Variants in FAM8A1 observed in about 807,000 individuals in gnomAD.
The protein encoded by FAM8A1 is family with sequence similarity 8 member A1.
A neutral mutation model predicts 38.3 loss-of-function variants in FAM8A1; 18 were observed. That is an observed-to-expected ratio of 0.47 (90% CI 0.33 to 0.70). FAM8A1 has a LOEUF of 0.70. Ranked by LOEUF, FAM8A1 falls within the 30% of genes least tolerant of loss-of-function variation. The probability of loss-of-function intolerance (pLI) is 0.03; values close to 1 mark genes in which losing one functional copy is unlikely to be tolerated. For synonymous variants in FAM8A1, 246 were observed against 234.4 expected, an observed-to-expected ratio of 1.05 and a Z score of -0.45; for missense variants, 559 against 559.6, an observed-to-expected ratio of 1.00 and a Z score of 0.01.
chr6:17,609,549 G>A lies in FAM8A1; in HGVS notation c.*1210G>A, dbSNP rs1382990624. On this transcript the variant is annotated 3_prime_UTR_variant, in exon 5 of 5. Coordinates refer to ENST00000259963, the MANE Select transcript of FAM8A1 (RefSeq NM_016255.3). ...GGGAAATGTTACGCAAAGTGATACT[G>A]TGTATGTTGCCATTTTGCTTTATTC... is the stretch of plus-strand genomic sequence containing the variant. The A allele has an allele frequency of 5.3e-5, 8 of 152,252 alleles. No individual in the cohort carries two copies. Among genetic ancestry groups the A allele is most frequent in the African/African-American group, 1.9e-4 (8 of 41,552 alleles). The allele number at this position is 152,252 out of a possible 1,614,324, so 9.4% of individuals were successfully genotyped here. A position where few individuals can be genotyped will look rare whatever the true frequency, so the allele number is the denominator to read the frequency against.
chr6:17,601,105 G>T lies in FAM8A1; in HGVS notation c.696G>T (p.Glu232Asp), dbSNP rs781129140. Residue 232 changes from glutamate (E) to aspartate (D), a missense_variant, in exon 1 of 5, where the codon GAG becomes GAT. By Grantham distance (45) the Glu-to-Asp change is conservative. Coordinates refer to ENST00000259963, the MANE Select transcript of FAM8A1 (RefSeq NM_016255.3). Reference sequence around the variant, plus strand: ...CAGCCCCTTCGCGAAGCCCGAGCGAGACCGGGCGACAGGCAGGTGAGAAGC... The same window carrying T: ...CAGCCCCTTCGCGAAGCCCGAGCGATACCGGGCGACAGGCAGGTGAGAAGC... ...GSAAPSRSPSETGRQAGREYV... is the reference protein window; with the variant it reads ...GSAAPSRSPSDTGRQAGREYV... 5.0e-6 allele frequency: 8 copies of T among 1,594,404 alleles called. No homozygotes were observed. Among genetic ancestry groups the T allele is most frequent in the Non-Finnish European group, 6.8e-6 (8 of 1,173,164 alleles).
At position 17,608,232 on chromosome 6, in the gene FAM8A1, GCTT is replaced by G. The variant is rs1764083917; in HGVS notation, c.1139_1141del (p.Ser380del). The G allele has an allele frequency of 3.1e-6, 5 of 1,613,470 alleles. No homozygotes were observed. Among genetic ancestry groups the G allele is most frequent in the East Asian group, 4.5e-5 (2 of 44,840 alleles). ...AGCTTTGATCAAGAATTTTTCAATT[GCTT>G]CTTTTTTCCCTGCTTTCATCACACT... On this transcript the variant is annotated inframe_deletion, in exon 5 of 5. Coordinates refer to ENST00000259963, the MANE Select transcript of FAM8A1 (RefSeq NM_016255.3).
rs1251015692 is a variant in FAM8A1 at position 17,609,016 on chromosome 6, A to G, written c.*677A>G. 1 of 152,194 alleles carries G rather than the reference A, an allele frequency of 6.6e-6. No individual in the cohort carries two copies. The highest frequency in any genetic ancestry group is 2.4e-5 in the African/African-American group (1 of 41,442). The allele number at this position is 152,194 out of a possible 1,614,324, so 9.4% of individuals were successfully genotyped here. A position where few individuals can be genotyped will look rare whatever the true frequency, so the allele number is the denominator to read the frequency against. Reference sequence around the variant, plus strand: ...AAGTTTCTCATGATGATGAAAAAGTATCAAGTCATATTGCTATGTTAATTG... The same window carrying G: ...AAGTTTCTCATGATGATGAAAAAGTGTCAAGTCATATTGCTATGTTAATTG... On this transcript the variant is annotated 3_prime_UTR_variant, in exon 5 of 5. Coordinates refer to ENST00000259963, the MANE Select transcript of FAM8A1 (RefSeq NM_016255.3).
chr6:17,602,788 C>A, intron 2 of FAM8A1, 78 bp downstream of exon 2: 2 of 1,417,630 alleles, frequency 1.4e-6, no homozygotes, highest in South Asian at 1.4e-5. Flanking sequence ...TGTTTGTCTA[C>A]ACGTGACTAT....
intron 3 of FAM8A1, 99 bp downstream of exon 3, chr6:17,605,128 T>C: frequency 9.3e-7 from 1 of 1,072,716 alleles, no homozygotes; most frequent in Non-Finnish European, 1.3e-6. Flanking sequence ...TCACCCAGGC[T>C]GGAGTGCAGT....
Position 17,609,915 on chromosome 6 carries a change from C to G in FAM8A1, c.*1576C>G, listed in dbSNP as rs1764115128. On this transcript the variant is annotated 3_prime_UTR_variant, in exon 5 of 5. Coordinates refer to ENST00000259963, the MANE Select transcript of FAM8A1 (RefSeq NM_016255.3). Reference sequence around the variant, plus strand: ...ACATTTGATTATAGAAACTTAATGTCTATTAATAATTTTAGTACAAAATTT... The same window carrying G: ...ACATTTGATTATAGAAACTTAATGTGTATTAATAATTTTAGTACAAAATTT... The G allele has an allele frequency of 6.6e-6, 1 of 152,078 alleles. No homozygotes were observed. Among genetic ancestry groups the G allele is most frequent in the South Asian group, 2.1e-4 (1 of 4,826 alleles). The allele number at this position is 152,078 out of a possible 1,614,324, so 9.4% of individuals were successfully genotyped here.
intron 2 of FAM8A1, among the ~76,000 whole-genome samples, chr6:17,603,716 C>A (rs1250250346): frequency 6.6e-6 from 1 of 151,570 alleles, no homozygotes; most frequent in Admixed American, 6.6e-5. Context: ...GAGCTGGGAC[C>A]ACAGGCATGC....
At position 17,600,351 on chromosome 6, in the gene FAM8A1, C is replaced by G. The variant is rs1321575932; in HGVS notation, c.-59C>G. ...GGTGACGGGGCTGTTGGGGAGGGGC[C>G]ATTGGGGGAGGGAAACGGAGCAGTG... On this transcript the variant is annotated 5_prime_UTR_variant, in exon 1 of 5. Transcript: ENST00000259963. 7.5e-7 allele frequency: 1 copy of G among 1,331,916 alleles called. No individual in the cohort carries two copies. The highest frequency in any genetic ancestry group is 3.1e-5 in the East Asian group (1 of 32,048). 82.5% of individuals were successfully genotyped at this position (1,331,916 alleles called of 1,614,324 possible).
At chr6:17,601,608 AT>A (rs1763986832) in intron 1 of FAM8A1, among the ~76,000 whole-genome samples, 1 of 152,210 alleles carries the variant, frequency 6.6e-6, no homozygotes, top group South Asian at 2.1e-4. Context: ...GCTTCACTTC[AT>A]TTGATCAATA....
In FAM8A1 at chr6:17,611,272, T is replaced by C. The variant is rs1013278896; in HGVS notation, c.*2933T>C. The C allele has an allele frequency of 1.3e-5, 2 of 152,632 alleles. No individual in the cohort carries two copies. The highest frequency in any genetic ancestry group is 1.3e-4 in the Admixed American group (2 of 15,302). 9.5% of individuals were successfully genotyped at this position (152,632 alleles called of 1,614,324 possible). ...TTCAGTGACTTGAGTGTTTTAGTTA[T>C]GCATAAGTATTTCTAGCAAAGGAAG... On this transcript the variant is annotated 3_prime_UTR_variant, in exon 5 of 5. Coordinates refer to ENST00000259963, the MANE Select transcript of FAM8A1 (RefSeq NM_016255.3).
rs1184906086 is a variant in FAM8A1 at position 17,601,073 on chromosome 6, G to A, written c.664G>A (p.Gly222Arg). 1.3e-6 allele frequency: 2 copies of A among 1,599,448 alleles called. No homozygotes were observed. Among genetic ancestry groups the A allele is most frequent in the Admixed American group, 3.5e-5 (2 of 57,924 alleles). Residue 222 changes from glycine (G) to arginine (R), a missense_variant, in exon 1 of 5, where the codon GGA (glycine) becomes AGA (arginine). Physicochemically the swap from Gly to Arg is moderately radical, Grantham distance 125. This residue lies in a region of FAM8A1 where 393 missense variants were observed against 338.9 expected (regional missense o/e 1.16). Coordinates refer to ENST00000259963, the MANE Select transcript of FAM8A1 (RefSeq NM_016255.3). Reference sequence around the variant, plus strand: ...CCGGGCCACTCCAGTGACGAGGGTAGGATCCGCAGCCCCTTCGCGAAGCCC... The same window carrying A: ...CCGGGCCACTCCAGTGACGAGGGTAAGATCCGCAGCCCCTTCGCGAAGCCC... The part of the protein sequence containing the change: ...SVRATPVTRV[G>R]SAAPSRSPSE...
chr6:17,601,404 C>T (rs993623975), intron 1 of FAM8A1, among the ~76,000 whole-genome samples: 1 of 152,242 alleles, frequency 6.6e-6, no homozygotes, highest in Non-Finnish European at 1.5e-5. Context: ...AAACCATCCT[C>T]TTCCTTTGGT....
At chr6:17,602,850 A>T (rs2113745052) in intron 2 of FAM8A1, 140 bp downstream of exon 2, 1 of 773,000 alleles carries the variant, frequency 1.3e-6, no homozygotes, top group East Asian at 3.0e-5. Flanking sequence ...GCTTTGTTAG[A>T]TTTATTGTTT....
At chr6:17,604,253 T>C (rs1764024232) in intron 2 of FAM8A1, among the ~76,000 whole-genome samples, 1 of 152,106 alleles carries the variant, frequency 6.6e-6, no homozygotes, top group African/African-American at 2.4e-5. Context: ...AGTCTGAATT[T>C]CATCATGTGG....
intron 3 of FAM8A1, among the ~76,000 whole-genome samples, 199 bp from the exon 4 acceptor site, chr6:17,605,675 C>T (rs189054243): frequency 1.1e-4 from 16 of 152,282 alleles, no homozygotes; most frequent in Admixed American, 3.9e-4. Context: ...AGAAATATTA[C>T]AGGAGACAGA....
chr6:17,607,136 G>A (rs1166407592), intron 4 of FAM8A1, among the ~76,000 whole-genome samples: 2 of 151,710 alleles, frequency 1.3e-5, no homozygotes, highest in East Asian at 1.9e-4. Context: ...GGCGGGCCCT[G>A]TAGTCCCAGC....
chr6:17,600,375 T>C lies in FAM8A1; in HGVS notation c.-35T>C. 7.4e-7 allele frequency: 1 copy of C among 1,357,530 alleles called. No individual in the cohort carries two copies. The highest frequency in any genetic ancestry group is 9.5e-7 in the Non-Finnish European group (1 of 1,053,162). 84.1% of individuals were successfully genotyped at this position (1,357,530 alleles called of 1,614,324 possible). On this transcript the variant is annotated 5_prime_UTR_variant, in exon 1 of 5. Coordinates refer to ENST00000259963, the MANE Select transcript of FAM8A1 (RefSeq NM_016255.3). ...CCATTGGGGGAGGGAAACGGAGCAG[T>C]GACAGGTATCCCAGAGGGTGCTGCT...
At chr6:17,607,664 T>C (rs1263236884) in intron 4 of FAM8A1, among the ~76,000 whole-genome samples, 6 of 152,154 alleles carry the variant, frequency 3.9e-5, no homozygotes, top group African/African-American at 1.4e-4. Context: ...CTGCAGCCCT[T>C]CAGTGCACTA....
chr6:17,604,803 T>C (rs980587921), intron 2 of FAM8A1, 103 bp from the exon 3 acceptor site: 1 of 897,216 alleles, frequency 1.1e-6, no homozygotes. Flanking sequence ...AAGATTAGTT[T>C]AGAATTTCAA....
Sources: allele counts gnomAD v4.1 joint callset (sites outside exome capture counted in the v4.1 genomes callset), GRCh38; gene constraint gnomAD v4.1.1; regional missense constraint gnomAD v4.1.1; transcripts MANE v1.5; gene names NCBI Gene and HGNC (gene_info 2026-07-23, HGNC 2026-07-21).